Variants in LINGO2 observed in about 807,000 individuals in gnomAD.
The protein encoded by LINGO2 is leucine rich repeat and Ig domain containing 2, also known as leucine-rich repeat and immunoglobulin-like domain-containing nogo receptor-interacting protein 2.
Under a neutral mutation model 30.6 loss-of-function variants are expected in LINGO2, and 14 were observed. The observed-to-expected ratio is 0.46, with a 90% CI of 0.30 to 0.72. LINGO2 has a LOEUF of 0.72. Among genes scored for constraint, LINGO2 ranks in the 30% least tolerant of loss-of-function variants. LINGO2 has a pLI of 0.07. For missense variants in LINGO2, 729 were observed against 751.7 expected (o/e 0.97, Z 0.35); for synonymous variants, 317 against 288.5 (o/e 1.10, Z -1.00).
intron 4 of LINGO2, among the ~76,000 whole-genome samples, chr9:28,215,111 G>A (rs910024174): frequency 6.6e-6 from 1 of 151,638 alleles, no homozygotes; most frequent in Non-Finnish European, 1.5e-5. Context: ...GGCTGATATT[G>A]CTGCTTCTCT....
chr9:28,678,143 T>TAAAAAAAAA, the LINGO2 span, among the ~76,000 whole-genome samples: 1 of 144,386 alleles, frequency 6.9e-6, no homozygotes, highest in Non-Finnish European at 1.5e-5. Context: ...CTTTGAATAT[T>TAAAAAAAAA]AAAAAAAAAA....
At chr9:28,624,025 G>A (rs151323520) in intron 1 of LINGO2, among the ~76,000 whole-genome samples, 5 of 151,932 alleles carry the variant, frequency 3.3e-5, no homozygotes, top group Middle Eastern at 3.2e-3. Context: ...AGGTTGATTT[G>A]TATCTTGCAA....
At chr9:28,835,824 A>T in the LINGO2 span, among the ~76,000 whole-genome samples, 3 of 152,130 alleles carry the variant, frequency 2.0e-5, no homozygotes, top group Non-Finnish European at 4.4e-5. Flanking sequence ...ACTGGGTTAG[A>T]AGAGTCAGAT....
intron 3 of LINGO2, among the ~76,000 whole-genome samples, chr9:28,342,757 T>C (rs1315007443): frequency 6.6e-6 from 1 of 152,098 alleles, no homozygotes; most frequent in African/African-American, 2.4e-5. Flanking sequence ...TTAATATTAT[T>C]TGAAAATGAC....
chr9:28,819,306 A>G, the LINGO2 span, among the ~76,000 whole-genome samples: 2 of 152,082 alleles, frequency 1.3e-5, no homozygotes, highest in East Asian at 3.9e-4. Context: ...CTCAAATCTC[A>G]CTATTTTTGT....
At chr9:28,076,565 AT>A (rs1489013938) in intron 4 of LINGO2, among the ~76,000 whole-genome samples, 1 of 151,040 alleles carries the variant, frequency 6.6e-6, no homozygotes, top group Non-Finnish European at 1.5e-5. Context: ...GTCTTATTTT[AT>A]TTTTGATCAC....
chr9:28,494,816 A>C (rs1246902053), intron 1 of LINGO2, among the ~76,000 whole-genome samples: 1 of 152,142 alleles, frequency 6.6e-6, no homozygotes, highest in East Asian at 1.9e-4. Flanking sequence ...ATGGTTGAAC[A>C]ACTTTACAGT....
intron 3 of LINGO2, among the ~76,000 whole-genome samples, chr9:28,361,732 ATGTT>A (rs1200995962): frequency 6.6e-6 from 1 of 152,118 alleles, no homozygotes; most frequent in African/African-American, 2.4e-5. Context: ...TTTAATTAAT[ATGTT>A]TTTTTCCATC....
At chr9:28,319,648 T>C (rs2134293145) in intron 3 of LINGO2, among the ~76,000 whole-genome samples, 1 of 152,230 alleles carries the variant, frequency 6.6e-6, no homozygotes, top group Admixed American at 6.5e-5. Flanking sequence ...TTATATGACA[T>C]TTGGAAAAGA....
At chr9:28,306,967 C>G (rs1309888808) in intron 3 of LINGO2, among the ~76,000 whole-genome samples, 2 of 151,956 alleles carry the variant, frequency 1.3e-5, no homozygotes, top group Admixed American at 1.3e-4. Flanking sequence ...AGTCCAGGAC[C>G]AGATGGATTC....
chr9:28,088,798 T>C (rs1825988788), intron 4 of LINGO2, among the ~76,000 whole-genome samples: 1 of 152,078 alleles, frequency 6.6e-6, no homozygotes, highest in Non-Finnish European at 1.5e-5. Flanking sequence ...GACCCATCAG[T>C]GTGCTTGTAT....
At chr9:28,497,733 C>T (rs373003183) in intron 1 of LINGO2, among the ~76,000 whole-genome samples, 2 of 152,140 alleles carry the variant, frequency 1.3e-5, no homozygotes, top group African/African-American at 4.8e-5. Flanking sequence ...GGTAGAGGCA[C>T]TCTGATTTTT....
intron 4 of LINGO2, among the ~76,000 whole-genome samples, chr9:28,050,396 G>A (rs1297540286): frequency 6.6e-6 from 1 of 150,558 alleles, no homozygotes; most frequent in South Asian, 2.1e-4. Flanking sequence ...TAATCATAAG[G>A]AAATCAGATA....
the LINGO2 span, among the ~76,000 whole-genome samples, chr9:29,174,803 C>T: frequency 1.3e-5 from 2 of 152,138 alleles, no homozygotes; most frequent in Admixed American, 6.5e-5. Flanking sequence ...ATGGTGTCTA[C>T]GTGCACATGA....
chr9:28,234,611 C>T (rs1821492467), intron 4 of LINGO2, among the ~76,000 whole-genome samples: 2 of 152,214 alleles, frequency 1.3e-5, no homozygotes, highest in African/African-American at 4.8e-5. Context: ...GGCTTCCAGC[C>T]TTCATCTTTC....
intron 4 of LINGO2, among the ~76,000 whole-genome samples, chr9:28,137,198 G>GACACAC (rs3064725): frequency 0.098 from 14,573 of 148,120 alleles, 826 homozygotes; most frequent in Middle Eastern, 0.15. Context: ...GAAAATCCCT[G>GACACAC]ACACACACAC....
chr9:28,277,738 G>C (rs1471681219), intron 4 of LINGO2, among the ~76,000 whole-genome samples: 1 of 151,882 alleles, frequency 6.6e-6, no homozygotes, highest in East Asian at 1.9e-4. Flanking sequence ...GAACCCAGGA[G>C]GTGGAGGTTG....
the LINGO2 span, among the ~76,000 whole-genome samples, chr9:28,952,331 A>G: frequency 6.6e-6 from 1 of 152,154 alleles, no homozygotes; most frequent in African/African-American, 2.4e-5. Context: ...CGACCTCACT[A>G]CTTTCTAGCT....
At chr9:28,312,440 A>T (rs547293436) in intron 3 of LINGO2, among the ~76,000 whole-genome samples, 1 of 152,144 alleles carries the variant, frequency 6.6e-6, no homozygotes, top group South Asian at 2.1e-4. Context: ...TTCAGGAAAA[A>T]ATCACGAAAA....
Sources: allele counts gnomAD v4.1 joint callset (sites outside exome capture counted in the v4.1 genomes callset), GRCh38; gene constraint gnomAD v4.1.1; transcripts MANE v1.5; gene names NCBI Gene and HGNC (gene_info 2026-07-23, HGNC 2026-07-21).